Variants in ARPP21 observed in about 807,000 individuals in gnomAD.
The protein encoded by ARPP21 is cAMP regulated phosphoprotein 21, also known as cAMP-regulated phosphoprotein 21.
ARPP21 carries 69 observed loss-of-function variants against 113.2 expected under a neutral mutation model. The ratio of observed to expected loss-of-function variants is 0.61; its 90% confidence interval spans 0.50 to 0.74. The LOEUF (loss-of-function observed/expected upper bound fraction) is 0.74. Ranked by LOEUF, ARPP21 falls within the 30% of genes least tolerant of loss-of-function variation. The pLI, the probability that ARPP21 is intolerant of heterozygous loss-of-function variation, is 0.00. For synonymous variants in ARPP21, 368 were observed against 375.5 expected (o/e 0.98, Z 0.23); for missense variants, 1,070 against 1,037.4 (o/e 1.03, Z -0.43).
chr3:35,719,457 G>A (rs1489387061), intron 13 of ARPP21, among the ~76,000 whole-genome samples: 1 of 152,186 alleles, frequency 6.6e-6, no homozygotes. Context: ...TATTGAGCAG[G>A]TGATGTGACA....
rs74891804 is a variant in ARPP21 at position 35,661,839 on chromosome 3, C to A, written c.-212-17948C>A. Among the ~76,000 whole-genome samples the A allele has an allele frequency of 3.3e-5, 5 of 152,112 alleles. No individual in the cohort carries two copies. In the East Asian group the frequency reaches 9.7e-4, roughly 29 times the overall value. ...GTGTATAAAGGAGACAGTGACATAC[C>A]TGTTTCTGGTTGTGAGGTAATAAAT... On this transcript the variant is annotated intron_variant, in intron 1 of 20. Transcript: ENST00000684406.
chr3:35,683,641 T>C, intron 4 of ARPP21, 85 bp from the exon 5 acceptor site: 1 of 712,534 alleles, frequency 1.4e-6, no homozygotes, highest in Non-Finnish European at 2.6e-6. Flanking sequence ...GTTATGTAAA[T>C]GTGGAGATGA....
chr3:35,743,302 A>C (rs1281140641), intron 18 of ARPP21, among the ~76,000 whole-genome samples: 1 of 152,216 alleles, frequency 6.6e-6, no homozygotes, highest in Non-Finnish European at 1.5e-5. Context: ...CATCTAAAAA[A>C]CACAAAAGTC....
intron 1 of ARPP21, among the ~76,000 whole-genome samples, chr3:35,675,567 C>T (rs181031159): frequency 6.6e-6 from 1 of 151,794 alleles, no homozygotes; most frequent in Non-Finnish European, 1.5e-5. Context: ...GTTCCAGGAC[C>T]ATATCCAGGG....
At chr3:35,675,512 A>G (rs2077251517) in intron 1 of ARPP21, among the ~76,000 whole-genome samples, 1 of 151,846 alleles carries the variant, frequency 6.6e-6, no homozygotes, top group Admixed American at 6.6e-5. Context: ...ATTGCATTCC[A>G]TCCAGCTCTC....
At chr3:35,644,996 A>G (rs1465868495) in intron 1 of ARPP21, among the ~76,000 whole-genome samples, 1 of 151,982 alleles carries the variant, frequency 6.6e-6, no homozygotes, top group South Asian at 2.1e-4. Context: ...TAATTGCGAC[A>G]TTAAAATGTT....
At position 35,794,076 on chromosome 3, in the gene ARPP21, C is replaced by T. The variant is rs1261390016; in HGVS notation, c.*118C>T. The T allele has an allele frequency of 8.6e-5, 75 of 872,708 alleles. No homozygotes were observed. The highest frequency in any genetic ancestry group is 8.8e-6 in the Non-Finnish European group (5 of 567,822). The allele number at this position is 872,708 out of a possible 1,614,324, so 54.1% of individuals were successfully genotyped here. ...TCACTCAACACTCAAATGATTGCTGCTGGTATTCTGTAAAAAATAAACAAA... is the reference window on the plus strand; with the variant it reads ...TCACTCAACACTCAAATGATTGCTGTTGGTATTCTGTAAAAAATAAACAAA... On this transcript the variant is annotated 3_prime_UTR_variant, in exon 21 of 21. Transcript: ENST00000684406.
chr3:35,639,284 G>A (rs553953509), upstream of ARPP21, among the ~76,000 whole-genome samples: 50 of 152,152 alleles, frequency 3.3e-4, no homozygotes, highest in African/African-American at 1.1e-3. The surrounding 1 kb of genome is among the most constrained non-coding windows in gnomAD (Gnocchi z 5.0). Flanking sequence ...GGCCAGTTCT[G>A]GATGCTCCCA....
chr3:35,737,067 C>A, intron 15 of ARPP21, 111 bp from the exon 16 acceptor site: 1 of 648,082 alleles, frequency 1.5e-6, no homozygotes, highest in South Asian at 2.4e-5. Flanking sequence ...TAGATTTCCA[C>A]TGCCCTGCCC....
At chr3:35,668,327 G>A (rs1413071502) in intron 1 of ARPP21, among the ~76,000 whole-genome samples, 1 of 152,184 alleles carries the variant, frequency 6.6e-6, no homozygotes, top group Non-Finnish European at 1.5e-5. Context: ...CACCTTAAGT[G>A]TGGCATCTTG....
At chr3:35,640,715 A>G (rs1489146159) in intron 1 of ARPP21, among the ~76,000 whole-genome samples, 2 of 152,206 alleles carry the variant, frequency 1.3e-5, no homozygotes, top group Non-Finnish European at 2.9e-5. Flanking sequence ...TTTTTGAAAG[A>G]GACCTATTGA....
Position 35,756,657 on chromosome 3 carries a change from C to G in ARPP21, c.2137+12692C>G, listed in dbSNP as rs142595901. On this transcript the variant is annotated intron_variant, in intron 19 of 20. Transcript: ENST00000684406. Reference sequence around the variant, plus strand: ...TTCCCACACTGTTTTTTACAGGTACCTAGAGACTTGTAATTCTCCCAGATG... The same window carrying G: ...TTCCCACACTGTTTTTTACAGGTACGTAGAGACTTGTAATTCTCCCAGATG... Among the ~76,000 whole-genome samples the G allele has an allele frequency of 3.3e-3, 498 of 152,196 alleles. 2 individuals are homozygous for G. The highest frequency in any genetic ancestry group is 0.01 in the Middle Eastern group (3 of 294).
At position 35,659,279 on chromosome 3, in the gene ARPP21, T is replaced by C. The variant is rs76190931; in HGVS notation, c.-213+18881T>C. 3.7e-4 allele frequency among the ~76,000 whole-genome samples: 56 copies of C among 152,320 alleles called. No homozygotes were observed. The East Asian group carries it at 0.01, about 27-fold the overall frequency. On this transcript the variant is annotated intron_variant, in intron 1 of 20. Coordinates refer to ENST00000684406, the MANE Select transcript of ARPP21 (RefSeq NM_001385562.1). Reference sequence around the variant, plus strand: ...AGTCCACAAACACTTGTGTTCTTCATGTAGACACAGCACACAAGCTCAGAT... The same window carrying C: ...AGTCCACAAACACTTGTGTTCTTCACGTAGACACAGCACACAAGCTCAGAT...
intron 1 of ARPP21, among the ~76,000 whole-genome samples, chr3:35,648,468 A>C (rs1701114367): frequency 6.6e-6 from 1 of 152,180 alleles, no homozygotes; most frequent in Admixed American, 6.5e-5. Flanking sequence ...CTATTCTGCA[A>C]CAAAGCAAAT....
chr3:35,704,142 A>C (rs1239078158), intron 9 of ARPP21, among the ~76,000 whole-genome samples: 1 of 151,878 alleles, frequency 6.6e-6, no homozygotes, highest in Non-Finnish European at 1.5e-5. Context: ...ATTTCTGGAA[A>C]AATACAAAAG....
intron 19 of ARPP21, among the ~76,000 whole-genome samples, chr3:35,755,619 T>C (rs1274045782): frequency 6.6e-6 from 1 of 152,076 alleles, no homozygotes; most frequent in Non-Finnish European, 1.5e-5. Flanking sequence ...TTTTCTCCTT[T>C]TCTAGTAAAA....
chr3:35,651,033 G>GA (rs1313834288), intron 1 of ARPP21, among the ~76,000 whole-genome samples: 4 of 151,776 alleles, frequency 2.6e-5, no homozygotes, highest in African/African-American at 9.7e-5. Flanking sequence ...AATTATTTCA[G>GA]AAAAAAATGA....
intron 1 of ARPP21, among the ~76,000 whole-genome samples, chr3:35,666,847 G>GT (rs957841535): frequency 2.4e-4 from 37 of 152,016 alleles, no homozygotes; most frequent in African/African-American, 8.5e-4. Flanking sequence ...AATTAAACAG[G>GT]TTTTTTTGAG....
chr3:35,676,199 T>C (rs2149387453), intron 1 of ARPP21, among the ~76,000 whole-genome samples: 1 of 152,092 alleles, frequency 6.6e-6, no homozygotes, highest in Admixed American at 6.6e-5. Context: ...GATGTTTTTA[T>C]TGACAACAGA....
Sources: allele counts gnomAD v4.1 joint callset (sites outside exome capture counted in the v4.1 genomes callset), GRCh38; gene constraint gnomAD v4.1.1; non-coding constraint Gnocchi (gnomAD v3.1); transcripts MANE v1.5; gene names NCBI Gene and HGNC (gene_info 2026-07-23, HGNC 2026-07-21).